EIPR1: variants seen among roughly 807,000 people sequenced by gnomAD.
The protein encoded by EIPR1 is EARP complex and GARP complex interacting protein 1.
Under a neutral mutation model 48.1 loss-of-function variants are expected in EIPR1, and 25 were observed. The observed-to-expected ratio is 0.52, with a 90% CI of 0.38 to 0.73. The LOEUF (loss-of-function observed/expected upper bound fraction) is 0.73. EIPR1 is among the 30% of genes least tolerant of loss of function. The pLI is 0.00. For missense variants in EIPR1, 415 were observed against 506.2 expected (o/e 0.82, Z 1.73); for synonymous variants, 204 against 201.9 (o/e 1.01, Z -0.09).
intron 4 of EIPR1, among the ~76,000 whole-genome samples, chr2:3,218,054 A>T (rs10192693): frequency 4.8e-5 from 7 of 146,230 alleles, no homozygotes; most frequent in South Asian, 2.2e-4. Flanking sequence ...GAGCATTCAC[A>T]GTGAGTCAGG....
chr2:3,374,116 CA>C (rs1211537132), intron 1 of EIPR1, among the ~76,000 whole-genome samples: 7 of 149,112 alleles, frequency 4.7e-5, no homozygotes, highest in African/African-American at 1.7e-4. Context: ...CTGACAAAAA[CA>C]AGCAATGGGG....
At chr2:3,355,810 T>C (rs1670709349) in intron 1 of EIPR1, among the ~76,000 whole-genome samples, 1 of 85,938 alleles carries the variant, frequency 1.2e-5, no homozygotes, top group East Asian at 2.7e-4. Flanking sequence ...CAAGACCCTG[T>C]CTAAATAAAA....
chr2:3,219,262 G>A (rs1457951613), intron 4 of EIPR1, among the ~76,000 whole-genome samples: 1 of 149,020 alleles, frequency 6.7e-6, no homozygotes, highest in Non-Finnish European at 1.5e-5. Flanking sequence ...TGAGTCAGGT[G>A]CACACTCAAC....
At chr2:3,339,567 G>C (rs904677180) in intron 2 of EIPR1, among the ~76,000 whole-genome samples, 4 of 152,174 alleles carry the variant, frequency 2.6e-5, no homozygotes, top group African/African-American at 9.7e-5. Context: ...GGATCATGGG[G>C]GATGGGCCTT....
In EIPR1 at chr2:3,269,569, ACTCAGTCATCGCACT is replaced by A. The variant is rs1358701480; in HGVS notation, c.260-12129_260-12115del. On this transcript the variant is annotated intron_variant, in intron 3 of 8. Coordinates refer to ENST00000382125, the MANE Select transcript of EIPR1 (RefSeq NM_003310.5). ...CTCAGTCATCGCACTCAGTCATCGC[ACTCAGTCATCGCACT>A]CAATCATCGCACTCAATCGCACTCA... Among the ~76,000 whole-genome samples, 24 of 88,722 alleles carry A rather than the reference ACTCAGTCATCGCACT, an allele frequency of 2.7e-4. 1 individual carries two copies. The highest frequency in any genetic ancestry group is 1.1e-3 in the East Asian group (2 of 1,802). The allele number at this position is 88,722 out of a possible 152,430, so 58.2% of individuals were successfully genotyped here.
At chr2:3,309,754 C>T (rs753749548) in intron 3 of EIPR1, among the ~76,000 whole-genome samples, 11 of 152,194 alleles carry the variant, frequency 7.2e-5, no homozygotes, top group Non-Finnish European at 1.5e-5. Flanking sequence ...ACAGATGCTT[C>T]CCGATGGGAG....
At chr2:3,337,574 C>A (rs1045075555) in intron 3 of EIPR1, among the ~76,000 whole-genome samples, 2 of 152,140 alleles carry the variant, frequency 1.3e-5, no homozygotes, top group Non-Finnish European at 2.9e-5. Context: ...GAGAGCACAA[C>A]GGCGGGCAGG....
chr2:3,372,873 C>A (rs945852979), intron 1 of EIPR1, among the ~76,000 whole-genome samples: 1 of 152,248 alleles, frequency 6.6e-6, no homozygotes, highest in Admixed American at 6.5e-5. Flanking sequence ...CTCCCTAACT[C>A]ATTTTATTAG....
intron 5 of EIPR1, among the ~76,000 whole-genome samples, chr2:3,212,453 C>T: frequency 6.6e-6 from 1 of 152,104 alleles, no homozygotes; most frequent in East Asian, 1.9e-4. Context: ...AGGAATGGAG[C>T]CCTCTGCCCA....
chr2:3,276,505 T>A lies in EIPR1; in HGVS notation c.260-19050A>T, dbSNP rs968611515. ...AACGTGGTCAGGAGTCCAGCCACCA[T>A]GTTCTTTCCTGCTGCACCCAGCACC... On this transcript the variant is annotated intron_variant, in intron 3 of 8. Coordinates refer to ENST00000382125, the MANE Select transcript of EIPR1 (RefSeq NM_003310.5). 2.6e-5 allele frequency among the ~76,000 whole-genome samples: 4 copies of A among 152,354 alleles called. 1 individual carries two copies. In the South Asian group the frequency reaches 8.3e-4, roughly 32 times the overall value.
At chr2:3,299,877 G>A (rs1044461401) in intron 3 of EIPR1, among the ~76,000 whole-genome samples, 2 of 152,182 alleles carry the variant, frequency 1.3e-5, no homozygotes, top group Non-Finnish European at 2.9e-5. Flanking sequence ...ACCACTCACA[G>A]TCGAGTGATC....
chr2:3,234,961 G>A (rs1558240865), intron 4 of EIPR1, among the ~76,000 whole-genome samples: 1 of 152,216 alleles, frequency 6.6e-6, no homozygotes, highest in Non-Finnish European at 1.5e-5. Flanking sequence ...TCCTTGCTGG[G>A]ATAGGAACTT....
At chr2:3,364,454 A>T (rs1482069962) in intron 1 of EIPR1, among the ~76,000 whole-genome samples, 2 of 151,990 alleles carry the variant, frequency 1.3e-5, no homozygotes, top group East Asian at 1.9e-4. Context: ...ACATGATGAA[A>T]TCCCATCTCT....
Position 3,313,923 on chromosome 2 carries a change from G to A in EIPR1, c.259+24094C>T, listed in dbSNP as rs564666438. Among the ~76,000 whole-genome samples, 4 of 152,262 alleles carry A rather than the reference G, an allele frequency of 2.6e-5. No individual in the cohort carries two copies. In the South Asian group the frequency reaches 6.2e-4, roughly 24 times the overall value. ...TCACCCCCCGGTCTTCATTAGCAGC[G>A]GGTCACAGCAGCAGCCGGGGCTGTC... is the stretch of plus-strand genomic sequence containing the variant. On this transcript the variant is annotated intron_variant, in intron 3 of 8. Coordinates refer to ENST00000382125, the MANE Select transcript of EIPR1 (RefSeq NM_003310.5).
chr2:3,261,662 G>C (rs187175017), intron 3 of EIPR1: 4 of 152,360 alleles, frequency 2.6e-5, no homozygotes, highest in Middle Eastern at 3.4e-3. Flanking sequence ...CGGCCCGAGT[G>C]GGGCATGGGG....
At chr2:3,362,132 T>C (rs1442743865) in intron 1 of EIPR1, among the ~76,000 whole-genome samples, 1 of 152,202 alleles carries the variant, frequency 6.6e-6, no homozygotes, top group Non-Finnish European at 1.5e-5. Context: ...GGACCTCAAC[T>C]ACCGTTCTGG....
intron 3 of EIPR1, among the ~76,000 whole-genome samples, chr2:3,321,032 G>A (rs1481154784): frequency 6.6e-6 from 1 of 152,206 alleles, no homozygotes; most frequent in Admixed American, 6.5e-5. Context: ...GCACTGTCAA[G>A]GTGTTTTTAT....
intron 1 of EIPR1, among the ~76,000 whole-genome samples, chr2:3,369,247 G>A (rs1671047839): frequency 6.6e-6 from 1 of 152,174 alleles, no homozygotes; most frequent in African/African-American, 2.4e-5. Context: ...TAATATTTCA[G>A]GGAGGAGCCA....
intron 3 of EIPR1, among the ~76,000 whole-genome samples, chr2:3,279,311 A>G (rs1309013913): frequency 1.3e-5 from 2 of 152,226 alleles, no homozygotes; most frequent in African/African-American, 4.8e-5. Flanking sequence ...ACACTCTCTT[A>G]TAAAAATATT....
Sources: gnomAD v4.1 joint callset for allele counts (sites outside exome capture counted in the v4.1 genomes callset) on GRCh38, gnomAD v4.1.1 for gene constraint, MANE v1.5 for transcripts, NCBI Gene and HGNC (gene_info 2026-07-23, HGNC 2026-07-21) for gene names.